Variants in ARHGAP17 observed in about 807,000 individuals in gnomAD.
The protein encoded by ARHGAP17 is rho GTPase-activating protein 17.
ARHGAP17 carries 57 observed loss-of-function variants against 99.5 expected under a neutral mutation model. That is an observed-to-expected ratio of 0.57 (90% CI 0.46 to 0.71). The LOEUF is 0.71. ARHGAP17 is among the 30% of genes least tolerant of loss of function. The pLI, the probability that ARHGAP17 is intolerant of heterozygous loss-of-function variation, is 0.00. For missense variants in ARHGAP17, 1,000 were observed against 1,122.4 expected (o/e 0.89, Z 1.56); for synonymous variants, 417 against 429.6 (o/e 0.97, Z 0.36).
rs186885755 is a variant in ARHGAP17, at chr16:24,943,718, T to C, written c.1333+53A>G. ...AGATGTATTCTCTTAAGAAGACTTT[T>C]TGTACGATTATCACATTGCTTTGGC... On this transcript the variant is annotated intron_variant, in intron 15 of 19. Transcript: ENST00000289968. 6.6e-6 allele frequency: 10 copies of C among 1,508,552 alleles called. No homozygotes were observed. The Admixed American group carries it at 1.5e-4, about 23-fold the overall frequency. 93.4% of individuals were successfully genotyped at this position (1,508,552 alleles called of 1,614,324 possible). A position where few individuals can be genotyped will look rare whatever the true frequency, so the allele number is the denominator to read the frequency against.
chr16:24,931,066 G>C lies in ARHGAP17; in HGVS notation c.2233C>G (p.His745Asp), dbSNP rs112616751. 1.9e-6 allele frequency: 3 copies of C among 1,606,204 alleles called. No homozygotes were observed. ...PPNPMALPSEHGLEQPSHTPP... is the reference protein window; with the variant it reads ...PPNPMALPSEDGLEQPSHTPP... The stretch of plus-strand genomic sequence containing the variant: ...GTGTGAGATGGCTGCTCAAGTCCAT[G>C]CTCACTGGGCAATGCCATGGGGTTG... The change falls in exon 19 of 20, where the codon CAT (histidine) becomes GAT (aspartate). Residue 745 changes from histidine (H) to aspartate (D), a missense_variant. Physicochemically the swap from His to Asp is moderately conservative, Grantham distance 81. This residue lies in a region of ARHGAP17 where 528 missense variants were observed against 511.4 expected (regional missense o/e 1.03). Transcript: ENST00000289968.
intron 7 of ARHGAP17, among the ~76,000 whole-genome samples, chr16:24,961,807 T>G (rs1234550612): frequency 6.6e-6 from 1 of 150,840 alleles, no homozygotes; most frequent in Non-Finnish European, 1.5e-5. Flanking sequence ...GTGCTAGGAT[T>G]ACAGATGTGA....
chr16:24,963,828 C>T (rs928751334), intron 7 of ARHGAP17, among the ~76,000 whole-genome samples: 3 of 152,166 alleles, frequency 2.0e-5, no homozygotes, highest in African/African-American at 7.2e-5. Context: ...TACTATTTCA[C>T]TGATCTATTT....
intron 18 of ARHGAP17, among the ~76,000 whole-genome samples, chr16:24,933,491 T>C (rs1027770348): frequency 4.4e-5 from 6 of 135,198 alleles, no homozygotes; most frequent in Non-Finnish European, 6.2e-5. Context: ...CTAAAAAACA[T>C]AAGAAAGGAA....
At chr16:24,976,778 G>T (rs1037910297) in intron 3 of ARHGAP17, among the ~76,000 whole-genome samples, 2 of 152,176 alleles carry the variant, frequency 1.3e-5, no homozygotes, top group Non-Finnish European at 2.9e-5. Flanking sequence ...ACAGGAGAGA[G>T]AAGGAAAGAA....
At chr16:24,941,015 A>G (rs970247301) in intron 16 of ARHGAP17, among the ~76,000 whole-genome samples, 1 of 152,236 alleles carries the variant, frequency 6.6e-6, no homozygotes, top group Non-Finnish European at 1.5e-5. Flanking sequence ...AGAGTCTGTC[A>G]TCAGGAAATA....
chr16:24,923,430 T>C (rs2050764255), intron 19 of ARHGAP17, among the ~76,000 whole-genome samples: 1 of 152,180 alleles, frequency 6.6e-6, no homozygotes, highest in Non-Finnish European at 1.5e-5. Context: ...TTTCTGAGCA[T>C]ATGCTTGGAG....
At chr16:24,943,901 G>A (rs1425851065) in intron 14 of ARHGAP17, 39 bp from the exon 15 acceptor site, 4 of 1,535,352 alleles carry the variant, frequency 2.6e-6, no homozygotes, top group Middle Eastern at 3.4e-4. Context: ...ACTTCCTGTA[G>A]GCAGCATCTA....
intron 18 of ARHGAP17, 57 bp downstream of exon 18, chr16:24,935,413 A>G (rs1287744858): frequency 2.6e-6 from 4 of 1,520,040 alleles, no homozygotes; most frequent in Non-Finnish European, 3.5e-6. Flanking sequence ...TCCTTGCACT[A>G]ACTTAAGGAG....
intron 19 of ARHGAP17, among the ~76,000 whole-genome samples, chr16:24,923,550 C>T (rs1002918022): frequency 1.2e-4 from 18 of 151,994 alleles, no homozygotes; most frequent in Non-Finnish European, 2.5e-4. Context: ...CATGAGACTC[C>T]GTCTCTATAA....
chr16:24,975,184 G>GC (rs1304261668), intron 3 of ARHGAP17, among the ~76,000 whole-genome samples: 1 of 152,038 alleles, frequency 6.6e-6, no homozygotes, highest in African/African-American at 2.4e-5. Context: ...ATATAAGAAA[G>GC]CCCCCCAGTT....
rs889164434 is a variant in ARHGAP17 at position 24,927,754 on chromosome 16, T to A, written c.2515+3030A>T. ...ACATCTAAATTATTTAATAAAATGT[T>A]TAAATTAGAATACTCTTTGCTAAAA... On this transcript the variant is annotated intron_variant, in intron 19 of 19. Coordinates refer to ENST00000289968, the MANE Select transcript of ARHGAP17 (RefSeq NM_001006634.3). The A allele has an allele frequency of 3.7e-6, 4 of 1,079,012 alleles. No individual in the cohort carries two copies. The African/African-American group carries it at 4.9e-5, about 13-fold the overall frequency. 66.8% of individuals were successfully genotyped at this position (1,079,012 alleles called of 1,614,324 possible).
At chr16:24,968,833 G>A in intron 4 of ARHGAP17, 61 bp from the exon 5 acceptor site, 4 of 1,488,888 alleles carry the variant, frequency 2.7e-6, no homozygotes, top group East Asian at 2.3e-5. Flanking sequence ...CTGGATTATC[G>A]TGTGGATCAG....
rs1278821280 is a variant in ARHGAP17, at chr16:24,968,716, T to C, written c.329A>G (p.Gln110Arg). The C allele has an allele frequency of 1.2e-6, 2 of 1,614,108 alleles. No individual in the cohort carries two copies. Among genetic ancestry groups the C allele is most frequent in the Non-Finnish European group, 8.5e-7 (1 of 1,180,058 alleles). Residue 110 changes from glutamine (Q) to arginine (R), a missense_variant, in exon 5 of 20, where the codon CAG becomes CGG. Physicochemically the swap from Gln to Arg is conservative, Grantham distance 43. Around this residue, in one of 2 missense-constraint regions of ARHGAP17, gnomAD observed 472 missense variants for 611.1 expected, o/e 0.77. Transcript: ENST00000289968. ...CTCCTTCTCAACAAAGACTTCGTGC[T>C]GGGAGAGCTCGAGAGCCAGCTGATT... ...AENQLALELS[Q>R]HEVFVEKEIV...
At chr16:24,980,090 G>A (rs1051537989) in intron 1 of ARHGAP17, among the ~76,000 whole-genome samples, 4 of 152,196 alleles carry the variant, frequency 2.6e-5, no homozygotes, top group African/African-American at 7.2e-5. Flanking sequence ...GGCTGTCAAT[G>A]AACCGGAAAT....
intron 11 of ARHGAP17, 23 bp from the exon 12 acceptor site, chr16:24,952,393 T>C: frequency 6.3e-7 from 1 of 1,588,108 alleles, no homozygotes; most frequent in Non-Finnish European, 8.6e-7. Flanking sequence ...ACACTCTCTT[T>C]GAGTATGAAA....
At chr16:24,986,775 A>G (rs1333873474) in intron 1 of ARHGAP17, among the ~76,000 whole-genome samples, 1 of 152,210 alleles carries the variant, frequency 6.6e-6, no homozygotes, top group African/African-American at 2.4e-5. Flanking sequence ...ACTTTTTAGA[A>G]TCACTTTGAG....
intron 1 of ARHGAP17, among the ~76,000 whole-genome samples, chr16:24,981,639 T>C (rs1191794827): frequency 6.6e-6 from 1 of 152,104 alleles, no homozygotes; most frequent in African/African-American, 2.4e-5. Flanking sequence ...TCTCAGAGAG[T>C]AGGGAGTGAA....
At chr16:24,935,683 T>C in intron 17 of ARHGAP17, 44 bp from the exon 18 acceptor site, 2 of 1,592,606 alleles carry the variant, frequency 1.3e-6, no homozygotes, top group Non-Finnish European at 1.7e-6. Context: ...CAATCCCAGC[T>C]AGAAAATCTG....
Sources: allele counts gnomAD v4.1 joint callset (sites outside exome capture counted in the v4.1 genomes callset), GRCh38; gene constraint gnomAD v4.1.1; regional missense constraint gnomAD v4.1.1; transcripts MANE v1.5; gene names NCBI Gene and HGNC (gene_info 2026-07-23, HGNC 2026-07-21).